The following ADNP variants were observed in gnomAD, a reference collection of about 807,000 sequenced individuals.
ADNP encodes activity dependent neuroprotector homeobox.
ADNP carries 4 observed loss-of-function variants against 84.9 expected under a neutral mutation model. That is an observed-to-expected ratio of 0.05 (90% CI 0.02 to 0.11). ADNP has a LOEUF of 0.11. Ranked by LOEUF, ADNP falls within the 10% of genes least tolerant of loss-of-function variation. The pLI is 1.00. For synonymous variants in ADNP, 554 were observed against 468.1 expected (o/e 1.18, Z -2.37); for missense variants, 1,132 against 1,326.0 (o/e 0.85, Z 2.27).
chr20:50,891,665 C>G lies in ADNP; in HGVS notation c.3049G>C (p.Ala1017Pro), dbSNP rs747073656. 8.1e-6 allele frequency: 13 copies of G among 1,614,246 alleles called. No individual in the cohort carries two copies. The highest frequency in any genetic ancestry group is 2.2e-5 in the South Asian group (2 of 91,080). ...TGCTCTCTGTCACCTTGCATGGTAGCCTTTTTTTTGGCAGCTGGCTTACTG... is the reference window on the plus strand; with the variant it reads ...TGCTCTCTGTCACCTTGCATGGTAGGCTTTTTTTTGGCAGCTGGCTTACTG... ...RSSKPAAKKK[A>P]TMQGDREQLK... is the part of the protein sequence containing the mutation. The change falls in exon 6 of 6, where the codon GCT becomes CCT. Residue 1017 changes from alanine (A) to proline (P), a missense_variant. Ala to Pro is a conservative substitution (Grantham distance 27). This residue lies in a region of ADNP where 381 missense variants were observed against 319.9 expected (regional missense o/e 1.19). Coordinates refer to ENST00000621696, the MANE Select transcript of ADNP (RefSeq NM_001282531.3).
intron 2 of ADNP, among the ~76,000 whole-genome samples, chr20:50,923,808 G>A (rs1302132189): frequency 1.3e-5 from 2 of 152,156 alleles, no homozygotes; most frequent in African/African-American, 4.8e-5. Context: ...GTAAGCCACC[G>A]CACCCATCCT....
intron 2 of ADNP, among the ~76,000 whole-genome samples, chr20:50,908,721 C>A (rs1327284604): frequency 6.6e-6 from 1 of 151,994 alleles, no homozygotes; most frequent in Non-Finnish European, 1.5e-5. Context: ...TTGCAGTGAG[C>A]TGAGATCGAG....
In ADNP at chr20:50,891,926, T is replaced by C. The variant is rs752139612; in HGVS notation, c.2788A>G (p.Lys930Glu). Residue 930 changes from lysine (K) to glutamate (E), a missense_variant, in exon 6 of 6, where the codon AAA becomes GAA. Lys to Glu is a moderately conservative substitution (Grantham distance 56). Transcript: ENST00000621696. ...GTTTCGTATTTTGAACCATCCTCTTTTTGGTCTAGCTTCTCCTCAGATTCT... is the reference window on the plus strand; with the variant it reads ...GTTTCGTATTTTGAACCATCCTCTTCTTGGTCTAGCTTCTCCTCAGATTCT... ...ASESEEKLDQKEDGSKYETIH... is the reference protein window; with the variant it reads ...ASESEEKLDQEEDGSKYETIH... The C allele has an allele frequency of 1.4e-5, 23 of 1,614,110 alleles. No homozygotes were observed. The Admixed American group carries it at 1.7e-4, about 12-fold the overall frequency.
chr20:50,902,399 C>T (rs1982074332), intron 4 of ADNP, among the ~76,000 whole-genome samples: 1 of 152,110 alleles, frequency 6.6e-6, no homozygotes, highest in South Asian at 2.1e-4. Flanking sequence ...TATCAAAGCA[C>T]TTTTCATTAG....
intron 3 of ADNP, 76 bp from the exon 4 acceptor site, chr20:50,904,077 G>C (rs1982242867): frequency 6.0e-6 from 7 of 1,170,338 alleles, no homozygotes; most frequent in Non-Finnish European, 8.6e-6. Flanking sequence ...CTGATGATAG[G>C]ATCATAAAAC....
intron 2 of ADNP, among the ~76,000 whole-genome samples, chr20:50,911,214 C>T (rs1982997519): frequency 6.6e-6 from 1 of 152,174 alleles, no homozygotes; most frequent in Non-Finnish European, 1.5e-5. Flanking sequence ...GAAACTTTTT[C>T]AGTTTAAGTC....
chr20:50,922,544 C>T (rs1457561489), intron 2 of ADNP, among the ~76,000 whole-genome samples: 1 of 149,198 alleles, frequency 6.7e-6, no homozygotes, highest in East Asian at 2.0e-4. Flanking sequence ...GTGTGTTCAA[C>T]TATCTGGAAG....
chr20:50,923,463 G>A (rs913508715), intron 2 of ADNP, among the ~76,000 whole-genome samples: 2 of 152,154 alleles, frequency 1.3e-5, no homozygotes, highest in East Asian at 1.9e-4. Context: ...GATGGCTCAA[G>A]TTTTCACACT....
chr20:50,924,328 G>A (rs904204027), intron 2 of ADNP, among the ~76,000 whole-genome samples: 1 of 152,170 alleles, frequency 6.6e-6, no homozygotes, highest in African/African-American at 2.4e-5. Flanking sequence ...CTCCCTGCTG[G>A]GGGTGTGGCT....
Position 50,892,953 on chromosome 20 carries a change from A to G in ADNP, c.1761T>C (p.Pro587=), listed in dbSNP as rs1980954112. ...TTGGCTGTGGCTTTGGAGGAACTGG[A>G]GGATTATTTTGGGCATGGTAAGCAA... The part of the protein sequence containing the change: ...ESVAYHAQNN[P]PVPPKPQPKV... Residue 587 remains proline (P), a synonymous_variant, in exon 6 of 6, where the codon CCT becomes CCC. Transcript: ENST00000621696. 6.2e-7 allele frequency: 1 copy of G among 1,614,006 alleles called. No individual in the cohort carries two copies. The highest frequency in any genetic ancestry group is 1.3e-5 in the African/African-American group (1 of 74,900).
chr20:50,893,535 G>T lies in ADNP; in HGVS notation c.1179C>A (p.Ser393=), dbSNP rs772432043. ...EQRSQAPARY[S]LQSANASSLS... ...GAGAAGAGGCATTAGCAGACTGCAG[G>T]GAGTATCTTGCTGGTGCCTGGGACC... is the stretch of plus-strand genomic sequence containing the variant. Residue 393 remains serine (S), a synonymous_variant, in exon 6 of 6, where the codon TCC becomes TCA. Coordinates refer to ENST00000621696, the MANE Select transcript of ADNP (RefSeq NM_001282531.3). This position sits in a 1 kb window ranked among gnomAD's most constrained non-coding sequence, Gnocchi z 4.4. 9.3e-6 allele frequency: 15 copies of T among 1,613,740 alleles called. No homozygotes were observed. The highest frequency in any genetic ancestry group is 1.6e-4 in the Middle Eastern group (1 of 6,084).
chr20:50,898,283 T>C (rs1981616630), intron 5 of ADNP, among the ~76,000 whole-genome samples: 1 of 152,198 alleles, frequency 6.6e-6, no homozygotes, highest in African/African-American at 2.4e-5. Context: ...ATTCTTGAAT[T>C]GTTTACACCA....
At chr20:50,907,432 A>G (rs541166952) in intron 2 of ADNP, among the ~76,000 whole-genome samples, 6 of 151,120 alleles carry the variant, frequency 4.0e-5, no homozygotes, top group Admixed American at 2.0e-4. Flanking sequence ...ACATCGTGCT[A>G]ATTTTTGTAT....
chr20:50,916,406 A>G (rs951596755), intron 2 of ADNP, among the ~76,000 whole-genome samples: 5 of 152,200 alleles, frequency 3.3e-5, no homozygotes, highest in African/African-American at 9.6e-5. Flanking sequence ...CTCTCAGGCT[A>G]TAAATTCCCT....
In ADNP at chr20:50,930,731, C is replaced by G. The variant is rs1449910100; in HGVS notation, c.-265+95G>C. The G allele has an allele frequency of 5.3e-5, 8 of 151,948 alleles. No homozygotes were observed. In the East Asian group the frequency reaches 1.2e-3, roughly 22 times the overall value. The allele number at this position is 151,948 out of a possible 1,614,324, so 9.4% of individuals were successfully genotyped here. The stretch of plus-strand genomic sequence containing the variant: ...CGATGCGAACAACAATGCGCCCGCG[C>G]CCGGGGCCAGGCTGCACTGGCGGCC... On this transcript the variant is annotated intron_variant, in intron 1 of 5. Coordinates refer to ENST00000621696, the MANE Select transcript of ADNP (RefSeq NM_001282531.3).
intron 2 of ADNP, among the ~76,000 whole-genome samples, chr20:50,927,968 A>G (rs1381111002): frequency 6.6e-6 from 1 of 152,224 alleles, no homozygotes; most frequent in Admixed American, 6.5e-5. Flanking sequence ...TAAAAACTAT[A>G]CCTGCCTACA....
Position 50,892,251 on chromosome 20 carries a change from G to A in ADNP, c.2463C>T (p.Gly821=), listed in dbSNP as rs753658750. ...CVRDCEKYKP[G]VLLGFNMKEL... ...CTTTCATGTTAAACCCCAGCAACAC[G>A]CCAGGCTTGTACTTTTCACAATCAC... Residue 821 remains glycine (G), a synonymous_variant, in exon 6 of 6, where the codon GGC becomes GGT. Coordinates refer to ENST00000621696, the MANE Select transcript of ADNP (RefSeq NM_001282531.3). 5.1e-5 allele frequency: 83 copies of A among 1,613,940 alleles called. No homozygotes were observed. In the Middle Eastern group the frequency reaches 6.6e-4, roughly 13 times the overall value.
At chr20:50,905,058 T>C (rs1225727809) in intron 2 of ADNP, 1 of 152,132 alleles carries the variant, frequency 6.6e-6, no homozygotes, top group Non-Finnish European at 1.5e-5. Flanking sequence ...GAAAAGCCTG[T>C]ATGTGTCTAA....
At position 50,931,316 on chromosome 20, in the gene ADNP, CGGAGGCGGCGGCGGCAACGGGCGGG is replaced by C. The variant is rs1348831180; in HGVS notation, c.-780_-756del. The C allele has an allele frequency of 1.6e-5, 1 of 62,434 alleles. No homozygotes were observed. The highest frequency in any genetic ancestry group is 3.0e-5 in the Non-Finnish European group (1 of 33,466). 3.9% of individuals were successfully genotyped at this position (62,434 alleles called of 1,614,324 possible). A position where few individuals can be genotyped will look rare whatever the true frequency, so the allele number is the denominator to read the frequency against. On this transcript the variant is annotated 5_prime_UTR_variant, in exon 1 of 6. Coordinates refer to ENST00000621696, the MANE Select transcript of ADNP (RefSeq NM_001282531.3). ...GGCGGCGGAGGGGAGACCGGGCCGG[CGGAGGCGGCGGCGGCAACGGGCGGG>C]GGAGGGGGCTGATCCCGCGTCTCCC...
Sources: gnomAD v4.1 joint callset for allele counts (sites outside exome capture counted in the v4.1 genomes callset) on GRCh38, gnomAD v4.1.1 for gene constraint, gnomAD v4.1.1 regional missense constraint, Gnocchi (gnomAD v3.1) non-coding constraint, MANE v1.5 for transcripts, NCBI Gene and HGNC (gene_info 2026-07-23, HGNC 2026-07-21) for gene names.